Variants in ABCB4 observed in about 807,000 individuals in gnomAD.
ABCB4 encodes the protein ATP binding cassette subfamily B member 4.
ABCB4 carries 76 observed loss-of-function variants against 145.7 expected under a neutral mutation model. The ratio of observed to expected loss-of-function variants is 0.52; its 90% CI spans 0.43 to 0.63. The LOEUF is 0.63. Ranked by LOEUF, ABCB4 falls within the 30% of genes least tolerant of loss-of-function variation. The probability of loss-of-function intolerance (pLI) is 0.00; values close to 1 mark genes in which losing one functional copy is unlikely to be tolerated. For synonymous variants in ABCB4, 517 were observed against 566.8 expected (o/e 0.91, Z 1.25); for missense variants, 1,234 against 1,553.1 (o/e 0.79, Z 3.45).
At chr7:87,464,858 G>C (rs570449536) in intron 3 of ABCB4, among the ~76,000 whole-genome samples, 4 of 152,288 alleles carry the variant, frequency 2.6e-5, no homozygotes, top group African/African-American at 9.6e-5. Context: ...GTAGGAGGCA[G>C]ATTTAAAACC....
chr7:87,410,454 G>GTGGC (rs1808538296), intron 23 of ABCB4, among the ~76,000 whole-genome samples: 1 of 152,188 alleles, frequency 6.6e-6, no homozygotes, highest in South Asian at 2.1e-4. Flanking sequence ...CAACCCACAT[G>GTGGC]TGGCTGCATA....
chr7:87,386,511 C>A, the ABCB4 span, among the ~76,000 whole-genome samples: 2 of 152,146 alleles, frequency 1.3e-5, no homozygotes, highest in Admixed American at 6.5e-5. Context: ...ACCATATCTC[C>A]TTTCATCTCT....
intron 14 of ABCB4, among the ~76,000 whole-genome samples, chr7:87,435,525 G>A (rs191337940): frequency 4.1e-4 from 63 of 152,316 alleles, no homozygotes; most frequent in African/African-American, 1.5e-3. Context: ...CCCTGGAACC[G>A]CAGTGAAAGG....
At chr7:87,372,089 T>C in the ABCB4 span, among the ~76,000 whole-genome samples, 1 of 151,988 alleles carries the variant, frequency 6.6e-6, no homozygotes, top group African/African-American at 2.4e-5. Context: ...AATTGGCATA[T>C]CCCTCATTAC....
the ABCB4 span, chr7:87,375,447 G>T: frequency 1.9e-6 from 1 of 518,190 alleles, no homozygotes; most frequent in Non-Finnish European, 3.4e-6. Context: ...ATATGCTTTT[G>T]GTGTTAATAG....
chr7:87,389,110 AAGTC>A, the ABCB4 span, among the ~76,000 whole-genome samples: 1 of 152,242 alleles, frequency 6.6e-6, no homozygotes, highest in Non-Finnish European at 1.5e-5. Context: ...GATCATTAAA[AAGTC>A]AGGAAACAAC....
At chr7:87,416,740 G>A (rs1366455071) in intron 21 of ABCB4, among the ~76,000 whole-genome samples, 5 of 152,300 alleles carry the variant, frequency 3.3e-5, no homozygotes, top group Admixed American at 2.6e-4. Flanking sequence ...AATAGTGCCT[G>A]CCTTATAGGA....
the ABCB4 span, among the ~76,000 whole-genome samples, chr7:87,372,489 A>T: frequency 7.9e-5 from 12 of 152,222 alleles, no homozygotes; most frequent in African/African-American, 2.7e-4. Context: ...AATTAAACAC[A>T]TGTGCTTCAT....
chr7:87,398,875 C>G, downstream of ABCB4: 1 of 507,294 alleles, frequency 2.0e-6, no homozygotes, highest in Non-Finnish European at 3.5e-6. Flanking sequence ...CAAATTATGA[C>G]ATAGTGAATA....
At chr7:87,383,323 A>AT in the ABCB4 span, among the ~76,000 whole-genome samples, 3 of 151,756 alleles carry the variant, frequency 2.0e-5, no homozygotes, top group Non-Finnish European at 2.9e-5. Context: ...CACGAGATCA[A>AT]TTTTTTTTAA....
chr7:87,457,274 G>A (rs1812158393), intron 4 of ABCB4, among the ~76,000 whole-genome samples: 1 of 152,154 alleles, frequency 6.6e-6, no homozygotes, highest in African/African-American at 2.4e-5. Context: ...GCCGGGCATG[G>A]TGGCAGGTGC....
the ABCB4 span, among the ~76,000 whole-genome samples, chr7:87,396,135 G>T: frequency 6.6e-6 from 1 of 152,186 alleles, no homozygotes; most frequent in Admixed American, 6.5e-5. Flanking sequence ...GGATTTCAAG[G>T]TATGGATGTT....
At chr7:87,437,762 G>T (rs1441764531) in intron 14 of ABCB4, among the ~76,000 whole-genome samples, 1 of 152,142 alleles carries the variant, frequency 6.6e-6, no homozygotes, top group East Asian at 1.9e-4. Flanking sequence ...ACAGAGCCAG[G>T]ACTCCAATCC....
At chr7:87,473,948 T>C (rs1231858829) in intron 2 of ABCB4, among the ~76,000 whole-genome samples, 1 of 152,220 alleles carries the variant, frequency 6.6e-6, no homozygotes, top group East Asian at 1.9e-4. Context: ...TATAACTAAT[T>C]TGATTGAAGC....
intron 2 of ABCB4, among the ~76,000 whole-genome samples, chr7:87,473,573 A>G (rs1473994006): frequency 2.0e-5 from 3 of 152,186 alleles, no homozygotes; most frequent in Non-Finnish European, 4.4e-5. Context: ...AAAATTACAA[A>G]GTACTCCCCT....
chr7:87,426,822 C>T lies in ABCB4; in HGVS notation c.1992G>A (p.Arg664=), dbSNP rs1255716795. 1 of 1,613,924 alleles carries T rather than the reference C, an allele frequency of 6.2e-7. No homozygotes were observed. The highest frequency in any genetic ancestry group is 1.7e-5 in the Admixed American group (1 of 60,002). Residue 664 remains arginine, a synonymous_variant, in exon 16 of 28, where the codon AGG becomes AGA. Transcript: ENST00000649586. ...TTTTAAGGTTTTTCTGAGTAGAATG[C>T]CTAAATAGGCGAGATTTCCAGCCAT... ...APNGWKSRLF[R]HSTQKNLKNS...
At chr7:87,382,172 T>C in the ABCB4 span, 1 of 1,605,302 alleles carries the variant, frequency 6.2e-7, no homozygotes, top group Non-Finnish European at 8.5e-7. Flanking sequence ...AAGCCCAGTA[T>C]CTCAGGGAGG....
At chr7:87,436,061 T>G (rs1810584754) in intron 14 of ABCB4, among the ~76,000 whole-genome samples, 1 of 152,210 alleles carries the variant, frequency 6.6e-6, no homozygotes, top group Non-Finnish European at 1.5e-5. Flanking sequence ...TTCAGACATC[T>G]CTAGACAGAC....
intron 14 of ABCB4, among the ~76,000 whole-genome samples, chr7:87,437,228 A>G (rs1482516189): frequency 1.3e-5 from 2 of 152,190 alleles, no homozygotes; most frequent in African/African-American, 4.8e-5. Flanking sequence ...TTCACACATT[A>G]GTCTTTGCTC....
Sources: allele counts gnomAD v4.1 joint callset (sites outside exome capture counted in the v4.1 genomes callset), GRCh38; gene constraint gnomAD v4.1.1; transcripts MANE v1.5; gene names NCBI Gene and HGNC (gene_info 2026-07-23, HGNC 2026-07-21).